The following GDAP2 variants were observed in gnomAD, a reference collection of about 807,000 sequenced individuals.
The protein encoded by GDAP2 is ganglioside-induced differentiation-associated protein 2.
GDAP2 carries 51 observed loss-of-function variants against 67.0 expected under a neutral mutation model. The observed-to-expected ratio is 0.76, with a 90% CI of 0.61 to 0.96. The LOEUF (loss-of-function observed/expected upper bound fraction) is 0.96. Among genes scored for constraint, GDAP2 ranks in the 40% least tolerant of loss-of-function variants. The pLI is 0.00. For missense variants in GDAP2, 547 were observed against 588.3 expected (o/e 0.93, Z 0.73); for synonymous variants, 203 against 207.3 (o/e 0.98, Z 0.18).
intron 11 of GDAP2, 186 bp downstream of exon 11, chr1:117,883,302 T>C: frequency 2.0e-6 from 1 of 503,322 alleles, no homozygotes; most frequent in Non-Finnish European, 3.5e-6. Context: ...CATATGAATT[T>C]ACTTTAATGC....
chr1:117,906,295 T>A (rs1483117083), intron 6 of GDAP2, among the ~76,000 whole-genome samples: 1 of 152,172 alleles, frequency 6.6e-6, no homozygotes, highest in Non-Finnish European at 1.5e-5. Context: ...ACAACAGTTA[T>A]AAAAAATATG....
In GDAP2 at chr1:117,883,499, A is replaced by G; in HGVS notation, c.1236T>C (p.Val412=). ...DSDFLKKLYD[V]VDVKYKRNLK... ...CAAAAATAACTAACTTGACATCAAC[A>G]ACATCGTAGAGTTTCTTCAGGAAGT... is the stretch of plus-strand genomic sequence containing the variant. The change falls in exon 11 of 14, where the codon GTT becomes GTC. Residue 412 remains valine (V), a synonymous_variant. Coordinates refer to ENST00000369443, the MANE Select transcript of GDAP2 (RefSeq NM_017686.4). The G allele has an allele frequency of 6.2e-7, 1 of 1,611,654 alleles. No homozygotes were observed. The highest frequency in any genetic ancestry group is 1.3e-5 in the African/African-American group (1 of 74,908).
intron 6 of GDAP2, among the ~76,000 whole-genome samples, chr1:117,903,015 T>C (rs1649535572): frequency 6.6e-6 from 1 of 152,216 alleles, no homozygotes; most frequent in African/African-American, 2.4e-5. Context: ...TTGATTCTTT[T>C]TTTGATGCTA....
intron 11 of GDAP2, 95 bp downstream of exon 11, chr1:117,883,393 T>C (rs1026235408): frequency 4.6e-6 from 4 of 876,776 alleles, no homozygotes; most frequent in African/African-American, 3.4e-5. Flanking sequence ...TTACATGAAA[T>C]ATCCTTTCAC....
chr1:117,914,399 GA>G (rs1308377875), intron 3 of GDAP2, among the ~76,000 whole-genome samples: 4 of 151,828 alleles, frequency 2.6e-5, no homozygotes, highest in South Asian at 4.1e-4. Context: ...AAGGAATCCA[GA>G]AAATAAAACA....
chr1:117,871,822 A>AC (rs1408897730), intron 13 of GDAP2, among the ~76,000 whole-genome samples: 1 of 151,934 alleles, frequency 6.6e-6, no homozygotes, highest in African/African-American at 2.4e-5. Flanking sequence ...CCTTAATAAA[A>AC]CCTTTTTTTA....
At chr1:117,876,717 T>G (rs1027345596) in intron 13 of GDAP2, among the ~76,000 whole-genome samples, 1 of 152,148 alleles carries the variant, frequency 6.6e-6, no homozygotes, top group African/African-American at 2.4e-5. Context: ...TTGAGTGTGG[T>G]GGAGCTATAC....
In GDAP2 at chr1:117,918,275, CT is replaced by C. The variant is rs1650118764; in HGVS notation, c.316+321del. Among the ~76,000 whole-genome samples, 6 of 152,236 alleles carry C rather than the reference CT, an allele frequency of 3.9e-5. No individual in the cohort carries two copies. In the South Asian group the frequency reaches 1.2e-3, roughly 32 times the overall value. On this transcript the variant is annotated intron_variant, in intron 3 of 13. Coordinates refer to ENST00000369443, the MANE Select transcript of GDAP2 (RefSeq NM_017686.4). ...TCACGAGGAGAGTCATCTCACAAAG[CT>C]TTTCTTGCATGTTTTGTGCAAGAAA... is the stretch of plus-strand genomic sequence containing the variant.
At chr1:117,909,588 G>A (rs964438769) in intron 5 of GDAP2, among the ~76,000 whole-genome samples, 5 of 152,142 alleles carry the variant, frequency 3.3e-5, no homozygotes, top group Admixed American at 1.3e-4. Context: ...AAGTATTCAA[G>A]CAAAAGGCAT....
chr1:117,875,391 A>G (rs1461097467), intron 13 of GDAP2, among the ~76,000 whole-genome samples: 1 of 152,246 alleles, frequency 6.6e-6, no homozygotes, highest in African/African-American at 2.4e-5. Context: ...GTCTGCAGGC[A>G]TGCAGCATGC....
Position 117,906,588 on chromosome 1 carries a change from G to A in GDAP2, c.560-6C>T. 7.3e-7 allele frequency: 1 copy of A among 1,371,454 alleles called. No individual in the cohort carries two copies. Among genetic ancestry groups the A allele is most frequent in the Non-Finnish European group, 1.0e-6 (1 of 977,524 alleles). The allele number at this position is 1,371,454 out of a possible 1,614,324, so 85.0% of individuals were successfully genotyped here. On this transcript the variant is annotated splice_region_variant and splice_polypyrimidine_tract_variant and intron_variant, in intron 5 of 13. Coordinates refer to ENST00000369443, the MANE Select transcript of GDAP2 (RefSeq NM_017686.4). ...TAGGAATCTTCTTACAGTGCCTAAG[G>A]AAAAGAATAGAAAGATTACTCAATA...
intron 3 of GDAP2, among the ~76,000 whole-genome samples, chr1:117,914,416 A>C (rs1453515696): frequency 6.6e-6 from 1 of 152,198 alleles, no homozygotes; most frequent in African/African-American, 2.4e-5. Context: ...AAACAAAAAT[A>C]AATTGAAAAT....
chr1:117,905,254 CATAATTA>C lies in GDAP2; in HGVS notation c.636+1245_636+1251del, dbSNP rs555763027. Among the ~76,000 whole-genome samples the C allele has an allele frequency of 1.9e-4, 29 of 152,288 alleles. No homozygotes were observed. The South Asian group carries it at 5.8e-3, about 30-fold the overall frequency. The stretch of plus-strand genomic sequence containing the variant: ...TGTAAAGCTCTTCTGTTTCCCACTG[CATAATTA>C]ATAAAGTCTAAATTTTACAGGATGT... On this transcript the variant is annotated intron_variant, in intron 6 of 13. Transcript: ENST00000369443.
At chr1:117,929,163 A>C (rs1172820137) in intron 1 of GDAP2, among the ~76,000 whole-genome samples, 1 of 151,946 alleles carries the variant, frequency 6.6e-6, no homozygotes, top group Non-Finnish European at 1.5e-5. Context: ...GCCCCATTTC[A>C]CCTGCACCCT....
chr1:117,902,175 T>C (rs1228131276), intron 6 of GDAP2, among the ~76,000 whole-genome samples: 1 of 152,240 alleles, frequency 6.6e-6, no homozygotes, highest in Non-Finnish European at 1.5e-5. Context: ...TTTTAAACAA[T>C]GTTTCTTGCC....
Position 117,886,572 on chromosome 1 carries a change from C to T in GDAP2, c.1107+5G>A, listed in dbSNP as rs373360172. 4.1e-6 allele frequency: 6 copies of T among 1,460,614 alleles called. No individual in the cohort carries two copies. Among genetic ancestry groups the T allele is most frequent in the Middle Eastern group, 1.7e-4 (1 of 5,770 alleles). 90.5% of individuals were successfully genotyped at this position (1,460,614 alleles called of 1,614,324 possible). ...TTTGTAAAACAGAGCCTTTTTATGG[C>T]TTACCTTGTCCATATCTATTAATGT... On this transcript the variant is annotated splice_donor_5th_base_variant and intron_variant, in intron 10 of 13. Coordinates refer to ENST00000369443, the MANE Select transcript of GDAP2 (RefSeq NM_017686.4).
intron 3 of GDAP2, among the ~76,000 whole-genome samples, chr1:117,917,061 A>C (rs1175757899): frequency 6.6e-6 from 1 of 152,042 alleles, no homozygotes; most frequent in East Asian, 1.9e-4. Context: ...AAAGAAAAAG[A>C]AAAATGGAAT....
rs1312116708 is a variant in GDAP2, at chr1:117,865,770, A to G, written c.*4799T>C. The G allele has an allele frequency of 6.6e-6, 1 of 152,220 alleles. No homozygotes were observed. The highest frequency in any genetic ancestry group is 1.9e-4 in the East Asian group (1 of 5,200). 9.4% of individuals were successfully genotyped at this position (152,220 alleles called of 1,614,324 possible). ...CATTTAAGGCATACTGTACTTGAAA[A>G]GATTCAAAGATGCTGTTCTTAAAAG... On this transcript the variant is annotated 3_prime_UTR_variant, in exon 14 of 14. Transcript: ENST00000369443.
chr1:117,883,486 A>C lies in GDAP2; in HGVS notation c.1247+2T>G, dbSNP rs760876375. ...CCTTCATAATTTGCAAAAATAACTA[A>C]CTTGACATCAACAACATCGTAGAGT... is the stretch of plus-strand genomic sequence containing the variant. On this transcript the variant is annotated splice_donor_variant, in intron 11 of 13. Coordinates refer to ENST00000369443, the MANE Select transcript of GDAP2 (RefSeq NM_017686.4). LOFTEE classifies it high-confidence loss of function. 6.2e-7 allele frequency: 1 copy of C among 1,609,434 alleles called. No individual in the cohort carries two copies. Among genetic ancestry groups the C allele is most frequent in the East Asian group, 2.2e-5 (1 of 44,770 alleles).
Sources: allele counts gnomAD v4.1 joint callset (sites outside exome capture counted in the v4.1 genomes callset), GRCh38; gene constraint gnomAD v4.1.1; transcripts MANE v1.5; gene names NCBI Gene and HGNC (gene_info 2026-07-23, HGNC 2026-07-21).